KIF13B: variants seen among roughly 807,000 people sequenced by gnomAD.
The protein encoded by KIF13B is kinesin-like protein KIF13B.
Under a neutral mutation model 222.0 loss-of-function variants are expected in KIF13B, and 127 were observed. The ratio of observed to expected loss-of-function variants is 0.57; its 90% confidence interval spans 0.50 to 0.66. The LOEUF (loss-of-function observed/expected upper bound fraction) is 0.66. Among genes scored for constraint, KIF13B ranks in the 30% least tolerant of loss-of-function variants. KIF13B has a pLI of 0.00. For missense variants in KIF13B, 2,173 were observed against 2,379.0 expected (o/e 0.91, Z 1.80); for synonymous variants, 976 against 919.0 (o/e 1.06, Z -1.12).
intron 24 of KIF13B, among the ~76,000 whole-genome samples, chr8:29,128,933 G>A (rs762845299): frequency 1.8e-4 from 27 of 152,232 alleles, no homozygotes; most frequent in Middle Eastern, 3.4e-3. Flanking sequence ...AAGGCCCTCC[G>A]AAACCAGCCT....
intron 35 of KIF13B, among the ~76,000 whole-genome samples, chr8:29,107,889 G>A (rs1164761695): frequency 6.6e-6 from 1 of 152,128 alleles, no homozygotes; most frequent in African/African-American, 2.4e-5. Context: ...GAAATAGGAA[G>A]GAAATTTAGA....
intron 12 of KIF13B, among the ~76,000 whole-genome samples, chr8:29,161,699 A>ACCCCC (rs61187527): frequency 7.1e-6 from 1 of 141,746 alleles, no homozygotes; most frequent in African/African-American, 2.6e-5. Context: ...CCATCTCAAA[A>ACCCCC]CCCCCCCCCA....
intron 10 of KIF13B, among the ~76,000 whole-genome samples, chr8:29,172,081 T>C (rs1281111798): frequency 7.2e-5 from 7 of 96,852 alleles, no homozygotes; most frequent in Non-Finnish European, 1.5e-4. Flanking sequence ...TATTTTCTTT[T>C]CTTTTTTTTT....
intron 24 of KIF13B, among the ~76,000 whole-genome samples, chr8:29,129,271 CTTCCAGTAGATGA>C (rs1444527882): frequency 3.3e-5 from 5 of 152,140 alleles, no homozygotes; most frequent in Admixed American, 3.3e-4. Flanking sequence ...CCAGTCTTGC[CTTCCAGTAGATGA>C]ATTTCTAAGA....
At chr8:29,247,779 A>G (rs1816093629) in intron 1 of KIF13B, among the ~76,000 whole-genome samples, 1 of 141,938 alleles carries the variant, frequency 7.0e-6, no homozygotes, top group Admixed American at 7.4e-5. Context: ...GGCTGCAGTG[A>G]GCTGTGATGG....
chr8:29,071,641 C>A lies in KIF13B; in HGVS notation c.5197G>T (p.Val1733Leu). Residue 1733 changes from valine to leucine, a missense_variant, in exon 39 of 40, where the codon GTG becomes TTG. Transcript: ENST00000524189. This position sits in a 1 kb window ranked among gnomAD's most constrained non-coding sequence, Gnocchi z 4.9. ...ADFQEGTWVG[V>L]ELDLPSGKND... Reference sequence around the variant, plus strand: ...CCACCTGAGGGCAGGTCGAGCTCCACGCCGACCCACGTGCCCTCTTGGAAG... The same window carrying A: ...CCACCTGAGGGCAGGTCGAGCTCCAAGCCGACCCACGTGCCCTCTTGGAAG... 6.4e-7 allele frequency: 1 copy of A among 1,553,982 alleles called. No individual in the cohort carries two copies. The highest frequency in any genetic ancestry group is 1.4e-5 in the African/African-American group (1 of 73,242).
chr8:29,240,926 G>A (rs915919032), intron 2 of KIF13B, among the ~76,000 whole-genome samples: 1 of 152,182 alleles, frequency 6.6e-6, no homozygotes, highest in Non-Finnish European at 1.5e-5. Flanking sequence ...TCAGAATACA[G>A]TTATCATATG....
chr8:29,099,110 T>C (rs1432171540), intron 36 of KIF13B, 23 bp downstream of exon 36: 2 of 1,532,798 alleles, frequency 1.3e-6, no homozygotes, highest in South Asian at 2.2e-5. Flanking sequence ...TGACAGTAAT[T>C]GACAAGTGAA....
In KIF13B at chr8:29,070,412, G is replaced by A; in HGVS notation, c.*92C>T. The A allele has an allele frequency of 7.0e-7, 1 of 1,431,410 alleles. No homozygotes were observed. The highest frequency in any genetic ancestry group is 2.4e-5 in the East Asian group (1 of 41,248). The allele number at this position is 1,431,410 out of a possible 1,614,324, so 88.7% of individuals were successfully genotyped here. ...ATTCATCGCCCTGCCCCTGGGGAAG[G>A]GGCCACCGGGCTCCTGGCTCCTCAG... On this transcript the variant is annotated 3_prime_UTR_variant, in exon 40 of 40. Transcript: ENST00000524189. This position sits in a 1 kb window ranked among gnomAD's most constrained non-coding sequence, Gnocchi z 4.1.
chr8:29,186,362 T>G lies in KIF13B; in HGVS notation c.427A>C (p.Ser143Arg). Reference sequence around the variant, plus strand: ...ATGTAGGACACTTCTACTTTAAAACTCTGTTCTTCATTTTCCTCTTTCTGA... The same window carrying G: ...ATGTAGGACACTTCTACTTTAAAACGCTGTTCTTCATTTTCCTCTTTCTGA... ...RTQKEENEEQ[S>R]FKVEVSYMEI... The change falls in exon 6 of 40, where the codon AGT becomes CGT. Residue 143 changes from serine to arginine, a missense_variant. This residue lies in a region of KIF13B where 1,480 missense variants were observed against 1,722.8 expected (regional missense o/e 0.86). Coordinates refer to ENST00000524189, the MANE Select transcript of KIF13B (RefSeq NM_015254.4). The G allele has an allele frequency of 6.2e-7, 1 of 1,613,834 alleles. No individual in the cohort carries two copies. Among genetic ancestry groups the G allele is most frequent in the South Asian group, 1.1e-5 (1 of 91,084 alleles).
chr8:29,160,350 T>C (rs1257550258), intron 13 of KIF13B, among the ~76,000 whole-genome samples: 7 of 152,238 alleles, frequency 4.6e-5, no homozygotes, highest in African/African-American at 1.7e-4. Flanking sequence ...TACATTTTTT[T>C]CTTGTGAGCT....
chr8:29,208,725 G>C (rs1237397220), intron 2 of KIF13B, among the ~76,000 whole-genome samples: 1 of 152,158 alleles, frequency 6.6e-6, no homozygotes, highest in Non-Finnish European at 1.5e-5. Context: ...ACCTTGGTCA[G>C]TGACTCTTAG....
intron 2 of KIF13B, among the ~76,000 whole-genome samples, chr8:29,217,793 C>A (rs563894185): frequency 1.3e-5 from 2 of 152,340 alleles, no homozygotes; most frequent in South Asian, 4.1e-4. Flanking sequence ...AAACCTCCCC[C>A]ACCATACTCC....
At chr8:29,112,675 A>G (rs1809412732) in intron 32 of KIF13B, among the ~76,000 whole-genome samples, 1 of 152,064 alleles carries the variant, frequency 6.6e-6, no homozygotes, top group African/African-American at 2.4e-5. Flanking sequence ...AGGGTGGGAG[A>G]AGGAATTTTC....
intron 2 of KIF13B, among the ~76,000 whole-genome samples, chr8:29,240,743 T>C (rs1472212182): frequency 1.3e-5 from 2 of 152,220 alleles, no homozygotes; most frequent in Admixed American, 1.3e-4. Context: ...TGCTTTTTCA[T>C]TGTAATCTGA....
intron 2 of KIF13B, among the ~76,000 whole-genome samples, chr8:29,245,098 C>T (rs1815963253): frequency 2.0e-5 from 3 of 152,230 alleles, no homozygotes; most frequent in Admixed American, 1.3e-4. Context: ...TCAATTGCTT[C>T]TCAACATAAC....
intron 2 of KIF13B, among the ~76,000 whole-genome samples, chr8:29,239,263 G>A (rs1401609871): frequency 6.6e-6 from 1 of 152,148 alleles, no homozygotes; most frequent in African/African-American, 2.4e-5. Flanking sequence ...TTTTGGTTCT[G>A]ATGTTTAAAG....
chr8:29,157,098 G>T (rs1255491921), intron 13 of KIF13B, among the ~76,000 whole-genome samples: 3 of 151,716 alleles, frequency 2.0e-5, no homozygotes, highest in Non-Finnish European at 2.9e-5. Flanking sequence ...TTTCCTCCAA[G>T]GTCTATCAAG....
In KIF13B at chr8:29,206,910, G is replaced by A. The variant is rs115250094; in HGVS notation, c.150-10711C>T. Among the ~76,000 whole-genome samples the A allele has an allele frequency of 4.1e-3, 618 of 152,302 alleles. 5 individuals carry two copies. The highest frequency in any genetic ancestry group is 0.014 in the African/African-American group (565 of 41,562). ...TCAAGAGAAGCCTTGCTGAAAGGAC[G>A]TTTGATGGTGACCAAGTGGAAGCAA... is the stretch of plus-strand genomic sequence containing the variant. On this transcript the variant is annotated intron_variant, in intron 2 of 39. Coordinates refer to ENST00000524189, the MANE Select transcript of KIF13B (RefSeq NM_015254.4).
Sources: gnomAD v4.1 joint callset for allele counts (sites outside exome capture counted in the v4.1 genomes callset) on GRCh38, gnomAD v4.1.1 for gene constraint, gnomAD v4.1.1 regional missense constraint, Gnocchi (gnomAD v3.1) non-coding constraint, MANE v1.5 for transcripts, NCBI Gene and HGNC (gene_info 2026-07-23, HGNC 2026-07-21) for gene names.